Variants in KLHDC2 observed in about 807,000 individuals in gnomAD.
KLHDC2 encodes kelch domain-containing protein 2.
KLHDC2 carries 38 observed loss-of-function variants against 62.3 expected under a neutral mutation model. That is an observed-to-expected ratio of 0.61 (90% CI 0.47 to 0.80). The LOEUF is 0.80. Among genes scored for constraint, KLHDC2 ranks in the 30% least tolerant of loss-of-function variants. The pLI, the probability that KLHDC2 is intolerant of heterozygous loss-of-function variation, is 0.00. For missense variants in KLHDC2, 430 were observed against 495.3 expected (o/e 0.87, Z 1.25); for synonymous variants, 159 against 161.0 (o/e 0.99, Z 0.09).
intron 4 of KLHDC2, 81 bp downstream of exon 4, chr14:49,778,035 G>A (rs1889809395): frequency 3.1e-6 from 3 of 974,366 alleles, no homozygotes; most frequent in African/African-American, 1.6e-5. Context: ...GTAAACATTT[G>A]CACAGAACAT....
chr14:49,768,663 G>A, intron 1 of KLHDC2, 42 bp downstream of exon 1: 1 of 1,519,744 alleles, frequency 6.6e-7, no homozygotes, highest in Non-Finnish European at 8.8e-7. Flanking sequence ...GCTCGGCTGT[G>A]ACTCGGGTCT....
chr14:49,776,549 G>T (rs1235632494), intron 3 of KLHDC2, among the ~76,000 whole-genome samples: 1 of 152,004 alleles, frequency 6.6e-6, no homozygotes, highest in Admixed American at 6.6e-5. Flanking sequence ...CACCGAACAT[G>T]TATTTGTTAA....
chr14:49,780,674 A>G (rs749414380), intron 9 of KLHDC2, 29 bp from the exon 10 acceptor site: 3 of 1,433,160 alleles, frequency 2.1e-6, no homozygotes, highest in Non-Finnish European at 3.0e-6. Flanking sequence ...TTGACAGACT[A>G]ACATACTTCA....
chr14:49,768,227 C>A lies in KLHDC2; in HGVS notation c.-242C>A. 1 of 366,334 alleles carries A rather than the reference C, an allele frequency of 2.7e-6. No individual in the cohort carries two copies. The allele number at this position is 366,334 out of a possible 1,614,324, so 22.7% of individuals were successfully genotyped here. A position where few individuals can be genotyped will look rare whatever the true frequency, so the allele number is the denominator to read the frequency against. ...TGCCCCGAGTCCCGGGCCCGCGCCG[C>A]CGCCGCCCGGCTCCGCTCGCGGCCC... On this transcript the variant is annotated 5_prime_UTR_variant, in exon 1 of 13. Coordinates refer to ENST00000298307, the MANE Select transcript of KLHDC2 (RefSeq NM_014315.3).
At chr14:49,780,608 C>A in intron 9 of KLHDC2, 95 bp from the exon 10 acceptor site, 1 of 880,620 alleles carries the variant, frequency 1.1e-6, no homozygotes, top group Non-Finnish European at 1.9e-6. Flanking sequence ...TCTGTATCTG[C>A]TCATGATCTA....
At position 49,783,283 on chromosome 14, in the gene KLHDC2, T is replaced by G. The variant is rs1234398454; in HGVS notation, c.*330T>G. 8.4e-6 allele frequency: 1 copy of G among 118,436 alleles called. No homozygotes were observed. The highest frequency in any genetic ancestry group is 4.1e-5 in the African/African-American group (1 of 24,106). The allele number at this position is 118,436 out of a possible 1,614,324, so 7.3% of individuals were successfully genotyped here. On this transcript the variant is annotated 3_prime_UTR_variant, in exon 13 of 13. Transcript: ENST00000298307. ...TCATCAAAATGCTGAAGTCATTTTTTGAAAACATTATAGATTTTTTTTTTT... is the reference window on the plus strand; with the variant it reads ...TCATCAAAATGCTGAAGTCATTTTTGGAAAACATTATAGATTTTTTTTTTT...
At position 49,768,338 on chromosome 14, in the gene KLHDC2, G is replaced by C. The variant is rs2139785582; in HGVS notation, c.-131G>C. On this transcript the variant is annotated 5_prime_UTR_variant, in exon 1 of 13. Transcript: ENST00000298307. ...AAACGCGAGCGCAGGCGGCAGAGAG[G>C]CCTCAACGCCGTCCCTTTCGCCACC... 9.0e-6 allele frequency: 9 copies of C among 995,214 alleles called. No homozygotes were observed. The highest frequency in any genetic ancestry group is 1.3e-5 in the Non-Finnish European group (9 of 696,390). 61.6% of individuals were successfully genotyped at this position (995,214 alleles called of 1,614,324 possible).
Position 49,782,853 on chromosome 14 carries a change from G to C in KLHDC2, c.1121G>C (p.Cys374Ser), listed in dbSNP as rs777147049. The change falls in exon 13 of 13, where the codon TGC becomes TCC. Residue 374 changes from cysteine (C) to serine (S), a missense_variant. Physicochemically the swap from Cys to Ser is moderately radical, Grantham distance 112. Coordinates refer to ENST00000298307, the MANE Select transcript of KLHDC2 (RefSeq NM_014315.3). ...LVRLSLEAVI[C>S]FKEMLANSWN... ...AGGCTAAGCTTAGAAGCAGTCATTTGCTTTAAAGAAATGTTAGCCAACTCA... is the reference window on the plus strand; with the variant it reads ...AGGCTAAGCTTAGAAGCAGTCATTTCCTTTAAAGAAATGTTAGCCAACTCA... 1.1e-5 allele frequency: 18 copies of C among 1,613,766 alleles called. No homozygotes were observed. The highest frequency in any genetic ancestry group is 1.4e-5 in the Non-Finnish European group (16 of 1,179,830).
At position 49,782,527 on chromosome 14, in the gene KLHDC2, C is replaced by G; in HGVS notation, c.1045-15C>G. 6.2e-7 allele frequency: 1 copy of G among 1,603,452 alleles called. No individual in the cohort carries two copies. On this transcript the variant is annotated splice_polypyrimidine_tract_variant and intron_variant, in intron 11 of 12. Coordinates refer to ENST00000298307, the MANE Select transcript of KLHDC2 (RefSeq NM_014315.3). ...GCATTTGCTTTTAAATGTGTTCTTC[C>G]TATTTATTTTTCAGGCACACAGTAA...
At position 49,782,563 on chromosome 14, in the gene KLHDC2, A is replaced by ATATT; in HGVS notation, c.1068_1071dup (p.Ser358IlefsTer20). On this transcript the variant is annotated frameshift_variant, in exon 12 of 13. Transcript: ENST00000298307. LOFTEE classifies it high-confidence loss of function. ...TCAGGCACACAGTAATGAAATACTA[A>ATATT]TATTTTCAGTTCAACCAAAATCTCT... 17 of 1,607,750 alleles carry ATATT rather than the reference A, an allele frequency of 1.1e-5. No individual in the cohort carries two copies. The highest frequency in any genetic ancestry group is 1.4e-5 in the Non-Finnish European group (17 of 1,176,020).
At chr14:49,773,998 A>G (rs1889719921) in intron 2 of KLHDC2, among the ~76,000 whole-genome samples, 1 of 152,266 alleles carries the variant, frequency 6.6e-6, no homozygotes, top group Admixed American at 6.5e-5. Flanking sequence ...TTTAAATCTT[A>G]GATTCCTTAG....
In KLHDC2 at chr14:49,785,207, A is replaced by C. The variant is rs922676878; in HGVS notation, c.*2254A>C. The C allele has an allele frequency of 1.2e-6, 2 of 1,608,444 alleles. No homozygotes were observed. Among genetic ancestry groups the C allele is most frequent in the Non-Finnish European group, 1.7e-6 (2 of 1,174,814 alleles). On this transcript the variant is annotated 3_prime_UTR_variant, in exon 13 of 13. Coordinates refer to ENST00000298307, the MANE Select transcript of KLHDC2 (RefSeq NM_014315.3). The stretch of plus-strand genomic sequence containing the variant: ...ATTCACAAAAGCCATTCTGTCAACT[A>C]ATGGTAACTTACTTGTAGTTTGTCA...
At chr14:49,772,972 T>C (rs570884499) in intron 2 of KLHDC2, among the ~76,000 whole-genome samples, 6 of 151,986 alleles carry the variant, frequency 3.9e-5, no homozygotes, top group African/African-American at 1.4e-4. Flanking sequence ...CAAAAACATT[T>C]AACAGTTACA....
chr14:49,780,623 C>A, intron 9 of KLHDC2, 80 bp from the exon 10 acceptor site: 1 of 975,716 alleles, frequency 1.0e-6, no homozygotes, highest in Non-Finnish European at 1.7e-6. Context: ...GATCTATTAC[C>A]TTTCTTGCCA....
chr14:49,778,389 C>T (rs750918231), intron 5 of KLHDC2, 22 bp from the exon 6 acceptor site: 33 of 1,418,588 alleles, frequency 2.3e-5, no homozygotes, highest in Admixed American at 3.8e-5. Context: ...TCTAAAATAA[C>T]GCGGATTCTT....
At chr14:49,771,476 C>A in intron 1 of KLHDC2, 118 bp from the exon 2 acceptor site, 1 of 591,644 alleles carries the variant, frequency 1.7e-6, no homozygotes, top group Non-Finnish European at 3.1e-6. Context: ...GGATTGTGCA[C>A]TGTAATACCT....
chr14:49,771,358 A>T (rs1165540834), intron 1 of KLHDC2, among the ~76,000 whole-genome samples: 2 of 150,684 alleles, frequency 1.3e-5, no homozygotes, highest in Non-Finnish European at 3.0e-5. Context: ...AAAAAAAAAA[A>T]AGTTCCCAGA....
intron 9 of KLHDC2, 24 bp from the exon 10 acceptor site, chr14:49,780,679 A>G: frequency 1.3e-6 from 2 of 1,481,896 alleles, no homozygotes; most frequent in Non-Finnish European, 1.9e-6. Context: ...AGACTAACAT[A>G]CTTCATTTCT....
intron 6 of KLHDC2, 60 bp downstream of exon 6, chr14:49,778,554 G>GGT: frequency 1.5e-6 from 1 of 654,954 alleles, no homozygotes; most frequent in Non-Finnish European, 2.7e-6. Flanking sequence ...GGAGGGGTGG[G>GGT]GTAGGGGAGA....
Sources: allele counts gnomAD v4.1 joint callset (sites outside exome capture counted in the v4.1 genomes callset), GRCh38; gene constraint gnomAD v4.1.1; transcripts MANE v1.5; gene names NCBI Gene and HGNC (gene_info 2026-07-23, HGNC 2026-07-21).